Variants in BCAR3 observed in about 807,000 individuals in gnomAD.
BCAR3 encodes the protein BCAR3 adaptor protein, NSP family member.
A neutral mutation model predicts 80.1 loss-of-function variants in BCAR3; 37 were observed. That is an observed-to-expected ratio of 0.46 (90% CI 0.36 to 0.61). The LOEUF (loss-of-function observed/expected upper bound fraction) is 0.61. Ranked by LOEUF, BCAR3 falls within the 20% of genes least tolerant of loss-of-function variation. The pLI is 0.00. For missense variants in BCAR3, 978 were observed against 1,068.2 expected (o/e 0.92, Z 1.18); for synonymous variants, 389 against 418.9 (o/e 0.93, Z 0.87).
chr1:93,841,016 A>T (rs1395084771), intron 2 of BCAR3, among the ~76,000 whole-genome samples: 1 of 152,202 alleles, frequency 6.6e-6, no homozygotes, highest in Non-Finnish European at 1.5e-5. Context: ...GAGAAGAGAT[A>T]GAAAACCACA....
At chr1:93,842,612 ACT>A (rs1654999302) in intron 2 of BCAR3, among the ~76,000 whole-genome samples, 1 of 152,002 alleles carries the variant, frequency 6.6e-6, no homozygotes, top group Non-Finnish European at 1.5e-5. Flanking sequence ...CTCTGGACCC[ACT>A]CCATTCTGCC....
At chr1:93,648,203 T>C (rs1353270443) in intron 2 of BCAR3, among the ~76,000 whole-genome samples, 1 of 152,178 alleles carries the variant, frequency 6.6e-6, no homozygotes, top group Non-Finnish European at 1.5e-5. Flanking sequence ...TAGGGAAAAT[T>C]TTATTAAAGC....
chr1:93,623,696 T>C (rs918169486), intron 3 of BCAR3, among the ~76,000 whole-genome samples: 2 of 152,186 alleles, frequency 1.3e-5, no homozygotes, highest in Admixed American at 6.5e-5. Flanking sequence ...CCCCTGCCCT[T>C]CCCAGAGGTA....
chr1:93,828,518 G>T (rs1459446349), intron 2 of BCAR3, among the ~76,000 whole-genome samples: 1 of 152,144 alleles, frequency 6.6e-6, no homozygotes, highest in Non-Finnish European at 1.5e-5. Context: ...TGGGAGGAAG[G>T]AATGCTACAC....
At chr1:93,673,241 G>A (rs12406911) in intron 2 of BCAR3, among the ~76,000 whole-genome samples, 1 of 152,314 alleles carries the variant, frequency 6.6e-6, no homozygotes, top group Admixed American at 6.5e-5. Flanking sequence ...TCACTAGAAT[G>A]TAAACTCTGG....
At chr1:93,630,964 A>G (rs984472199) in intron 3 of BCAR3, among the ~76,000 whole-genome samples, 1 of 152,268 alleles carries the variant, frequency 6.6e-6, no homozygotes, top group African/African-American at 2.4e-5. Flanking sequence ...CTGGATTTGT[A>G]TTAGTTTCCA....
chr1:93,714,199 T>C (rs969830811), intron 2 of BCAR3, among the ~76,000 whole-genome samples: 1 of 152,204 alleles, frequency 6.6e-6, no homozygotes, highest in Non-Finnish European at 1.5e-5. Context: ...GCCAGGATGG[T>C]CTCGATCTCC....
intron 3 of BCAR3, chr1:93,613,833 C>G: frequency 6.5e-7 from 1 of 1,550,206 alleles, no homozygotes; most frequent in Non-Finnish European, 8.7e-7. Flanking sequence ...ACTTTATTTC[C>G]AAACCAAACC....
At chr1:93,800,725 A>T (rs910622096) in intron 2 of BCAR3, among the ~76,000 whole-genome samples, 4 of 152,128 alleles carry the variant, frequency 2.6e-5, no homozygotes, top group Admixed American at 6.5e-5. Context: ...TTATTTTTTT[A>T]AAATATTTTT....
chr1:93,694,487 C>T (rs1351262421), intron 3 of BCAR3, among the ~76,000 whole-genome samples: 2 of 152,212 alleles, frequency 1.3e-5, no homozygotes, highest in Admixed American at 6.5e-5. Flanking sequence ...ACTCCACTCT[C>T]CATGGCTCTC....
intron 3 of BCAR3, among the ~76,000 whole-genome samples, chr1:93,635,327 G>GTTTTT (rs996075069): frequency 6.7e-6 from 1 of 149,220 alleles, no homozygotes; most frequent in African/African-American, 2.6e-5. Context: ...GTTGTCTCCA[G>GTTTTT]TTTTTGTTTT....
chr1:93,626,115 T>C (rs1440835018), intron 3 of BCAR3, among the ~76,000 whole-genome samples: 1 of 152,234 alleles, frequency 6.6e-6, no homozygotes, highest in African/African-American at 2.4e-5. Context: ...GACTTGGTTA[T>C]GTTACATAGA....
chr1:93,845,579 C>T (rs1031843419), exon 2 of BCAR3: 1 of 150,150 alleles, frequency 6.7e-6, no homozygotes. Flanking sequence ...TTTGGAGAAG[C>T]GATTCACAAT....
At chr1:93,779,902 G>A (rs1397149464) in intron 2 of BCAR3, among the ~76,000 whole-genome samples, 1 of 152,082 alleles carries the variant, frequency 6.6e-6, no homozygotes, top group Non-Finnish European at 1.5e-5. Flanking sequence ...TTTACAATTT[G>A]GGACCAGCTA....
chr1:93,680,834 C>A (rs1428536162), intron 1 of BCAR3, among the ~76,000 whole-genome samples: 2 of 152,162 alleles, frequency 1.3e-5, no homozygotes, highest in Non-Finnish European at 2.9e-5. Flanking sequence ...TCCTCCTCGA[C>A]GAGTGTCTAC....
intron 2 of BCAR3, among the ~76,000 whole-genome samples, chr1:93,736,035 G>C (rs951982885): frequency 1.3e-5 from 2 of 152,230 alleles, no homozygotes; most frequent in African/African-American, 4.8e-5. Flanking sequence ...GAAACTTGGA[G>C]CATCTGGGAG....
intron 8 of BCAR3, among the ~76,000 whole-genome samples, chr1:93,573,554 TCTC>T (rs1160551820): frequency 6.6e-6 from 1 of 151,586 alleles, no homozygotes; most frequent in African/African-American, 2.4e-5. Flanking sequence ...TTTATCTCCT[TCTC>T]CTGATTTGTC....
intron 3 of BCAR3, among the ~76,000 whole-genome samples, chr1:93,621,618 G>C (rs1675315729): frequency 6.6e-6 from 1 of 152,188 alleles, no homozygotes; most frequent in Non-Finnish European, 1.5e-5. Flanking sequence ...GAGGCAAGTA[G>C]TATTGCAGTT....
chr1:93,736,907 T>C (rs1361161424), intron 2 of BCAR3, among the ~76,000 whole-genome samples: 2 of 152,232 alleles, frequency 1.3e-5, no homozygotes, highest in Admixed American at 6.5e-5. Flanking sequence ...TCTGAAAGCA[T>C]GGTCTACGGT....
Sources: allele counts gnomAD v4.1 joint callset (sites outside exome capture counted in the v4.1 genomes callset), GRCh38; gene constraint gnomAD v4.1.1; transcripts MANE v1.5; gene names NCBI Gene and HGNC (gene_info 2026-07-23, HGNC 2026-07-21).